The following TENM3 variants were observed in gnomAD, a reference collection of about 807,000 sequenced individuals.
TENM3 encodes the protein teneurin transmembrane protein 3.
In TENM3, 63 loss-of-function variants were observed where a neutral mutation model predicts 255.1. The observed-to-expected ratio is 0.25, with a 90% CI of 0.20 to 0.30. The LOEUF is 0.30. TENM3 is among the 10% of genes least tolerant of loss of function. TENM3 has a pLI of 1.00. For synonymous variants in TENM3, 1,306 were observed against 1,322.3 expected, an observed-to-expected ratio of 0.99 and a Z score of 0.27; for missense variants, 2,929 against 3,461.1, an observed-to-expected ratio of 0.85 and a Z score of 3.86.
the TENM3 span, among the ~76,000 whole-genome samples, chr4:181,554,337 G>C: frequency 6.6e-6 from 1 of 152,172 alleles, no homozygotes; most frequent in African/African-American, 2.4e-5. Flanking sequence ...GAGTTTAACG[G>C]GGAGGGCTGA....
the TENM3 span, among the ~76,000 whole-genome samples, chr4:182,031,661 A>T: frequency 1.3e-5 from 2 of 152,104 alleles, no homozygotes; most frequent in Non-Finnish European, 2.9e-5. Flanking sequence ...CATTTTCATG[A>T]TGTTGATTCT....
At chr4:182,665,904 AT>A (rs916099118) in intron 6 of TENM3, among the ~76,000 whole-genome samples, 14 of 152,252 alleles carry the variant, frequency 9.2e-5, no homozygotes, top group African/African-American at 2.9e-4. Flanking sequence ...TCAAAAAAAA[AT>A]AACACCTTCT....
the TENM3 span, among the ~76,000 whole-genome samples, chr4:181,899,436 C>T: frequency 1.3e-5 from 2 of 151,898 alleles, no homozygotes; most frequent in Non-Finnish European, 2.9e-5. Context: ...ATACTTGATA[C>T]GGTATTTACA....
chr4:182,210,102 G>C (rs1300888222), intron 1 of TENM3, among the ~76,000 whole-genome samples: 1 of 152,022 alleles, frequency 6.6e-6, no homozygotes, highest in African/African-American at 2.4e-5. Context: ...CAAATGATGA[G>C]TGCTGGCAAC....
the TENM3 span, among the ~76,000 whole-genome samples, chr4:181,574,590 G>A: frequency 6.6e-6 from 1 of 151,866 alleles, no homozygotes; most frequent in East Asian, 1.9e-4. Context: ...CATTGATTCA[G>A]AAGTAAGTGA....
At chr4:181,616,767 T>A in the TENM3 span, among the ~76,000 whole-genome samples, 2 of 152,086 alleles carry the variant, frequency 1.3e-5, no homozygotes, top group African/African-American at 4.8e-5. Flanking sequence ...AGGATGGGTG[T>A]CTCAGCTCCA....
the TENM3 span, among the ~76,000 whole-genome samples, chr4:181,922,243 C>T: frequency 5.9e-5 from 9 of 152,158 alleles, no homozygotes; most frequent in Non-Finnish European, 1.0e-4. Context: ...ATGATGCTGG[C>T]CTCACAAAAT....
intron 1 of TENM3, among the ~76,000 whole-genome samples, chr4:182,157,689 G>A (rs143618873): frequency 5.7e-4 from 87 of 152,302 alleles, no homozygotes; most frequent in Non-Finnish European, 9.7e-4. Context: ...ACACAGACTT[G>A]TCAGCATTTA....
chr4:182,183,028 G>T (rs1473092592), intron 1 of TENM3, among the ~76,000 whole-genome samples: 1 of 152,116 alleles, frequency 6.6e-6, no homozygotes, highest in African/African-American at 2.4e-5. Context: ...AGAAGTATAT[G>T]TTTACAGGAC....
intron 1 of TENM3, among the ~76,000 whole-genome samples, chr4:182,169,104 C>T (rs147527959): frequency 0.029 from 4,436 of 151,498 alleles, 103 homozygotes; most frequent in Non-Finnish European, 0.042. Context: ...CACACACACA[C>T]GTGGGTGTGA....
the TENM3 span, among the ~76,000 whole-genome samples, chr4:181,747,886 T>C: frequency 1.3e-5 from 2 of 152,078 alleles, no homozygotes; most frequent in African/African-American, 4.8e-5. Context: ...TAGTTTTTTA[T>C]ATTCCATTTA....
intron 3 of TENM3, among the ~76,000 whole-genome samples, chr4:182,591,676 C>CAA (rs1414472115): frequency 6.6e-6 from 1 of 152,166 alleles, no homozygotes. Flanking sequence ...ATGGAAAACT[C>CAA]ACTTTGAAAC....
chr4:181,577,196 AT>A, the TENM3 span, among the ~76,000 whole-genome samples: 268 of 128,498 alleles, frequency 2.1e-3, no homozygotes, highest in African/African-American at 6.7e-3. Context: ...TATTATATAT[AT>A]TATATATATA....
chr4:182,362,261 G>A (rs1233276863), intron 3 of TENM3, among the ~76,000 whole-genome samples: 2 of 152,042 alleles, frequency 1.3e-5, no homozygotes, highest in Admixed American at 1.3e-4. Flanking sequence ...TGTCAGACAG[G>A]GACATTTAAG....
At chr4:182,458,072 A>G (rs1165047999) in intron 3 of TENM3, among the ~76,000 whole-genome samples, 2 of 152,120 alleles carry the variant, frequency 1.3e-5, no homozygotes, top group African/African-American at 2.4e-5. Flanking sequence ...TTAATTTATC[A>G]AGTGCTTATT....
the TENM3 span, among the ~76,000 whole-genome samples, chr4:181,960,974 C>G: frequency 6.6e-6 from 1 of 152,120 alleles, no homozygotes; most frequent in Admixed American, 6.5e-5. Flanking sequence ...TAACCCTGCA[C>G]TAGGGAATAG....
At chr4:181,448,154 A>ATTTTTTTTTTTTTTTTTT in the TENM3 span, among the ~76,000 whole-genome samples, 5 of 90,064 alleles carry the variant, frequency 5.6e-5, no homozygotes, top group African/African-American at 2.4e-4. Flanking sequence ...AAATCCAGTA[A>ATTTTTTTTTTTTTTTTTT]TTTTTTTTTT....
chr4:182,414,303 C>T (rs891033965), intron 3 of TENM3, among the ~76,000 whole-genome samples: 1 of 152,034 alleles, frequency 6.6e-6, no homozygotes, highest in Non-Finnish European at 1.5e-5. Context: ...CAGTCATGTT[C>T]TCTGCTCTCT....
In TENM3 at chr4:182,731,080, C is replaced by T. The variant is rs778669854; in HGVS notation, c.2908C>T (p.Pro970Ser). The part of the protein sequence containing the change: ...VRPNPIIVSS[P>S]LSTFFRSSPE... ...GCCAAATCCCATCATTGTGTCATCA[C>T]CTTTATCCACCTTTTTCAGATCTTC... The change falls in exon 16 of 28, where the codon CCT becomes TCT. Residue 970 changes from proline (P) to serine (S), a missense_variant. By Grantham distance (74) the Pro-to-Ser change is moderately conservative (BLOSUM62 -1). Transcript: ENST00000511685. The T allele has an allele frequency of 1.2e-6, 2 of 1,613,898 alleles. No individual in the cohort carries two copies. The highest frequency in any genetic ancestry group is 1.1e-5 in the South Asian group (1 of 91,074).
Sources: allele counts gnomAD v4.1 joint callset (sites outside exome capture counted in the v4.1 genomes callset), GRCh38; gene constraint gnomAD v4.1.1; transcripts MANE v1.5; gene names NCBI Gene and HGNC (gene_info 2026-07-23, HGNC 2026-07-21).